Variants in LRRC75B observed in about 807,000 individuals in gnomAD.
LRRC75B encodes the protein leucine-rich repeat-containing protein 75B.
LRRC75B carries 20 observed loss-of-function variants against 16.5 expected under a neutral mutation model. The observed-to-expected ratio is 1.21, with a 90% CI of 0.85 to 1.76. The LOEUF (loss-of-function observed/expected upper bound fraction) is 1.76. Ranked by LOEUF, LRRC75B falls within the 40% of genes most tolerant of loss-of-function variation. LRRC75B has a pLI of 0.00. For missense variants in LRRC75B, 406 were observed against 417.0 expected, an observed-to-expected ratio of 0.97 and a Z score of 0.23; for synonymous variants, 199 against 198.1, an observed-to-expected ratio of 1.00 and a Z score of -0.04.
intron 2 of LRRC75B, chr22:24,589,090 A>G (rs2045488970): frequency 9.1e-7 from 1 of 1,092,994 alleles, no homozygotes; most frequent in African/African-American, 1.7e-5. Flanking sequence ...CCGACTGTGC[A>G]GAGACCTGGG....
At chr22:24,587,291 C>T (rs780990664) in intron 3 of LRRC75B, among the ~76,000 whole-genome samples, 30 of 152,144 alleles carry the variant, frequency 2.0e-4, no homozygotes, top group Admixed American at 5.9e-4. Flanking sequence ...TGAGGGAGGG[C>T]TCCCCGTGTT....
intron 2 of LRRC75B, 84 bp from the exon 3 acceptor site, chr22:24,588,413 A>AGT: frequency 2.8e-6 from 3 of 1,079,732 alleles, no homozygotes; most frequent in Non-Finnish European, 4.2e-6. Flanking sequence ...CAGGCAGCCA[A>AGT]GTGTGTGTGT....
chr22:24,586,792 A>G (rs1569035213), intron 3 of LRRC75B, among the ~76,000 whole-genome samples: 1 of 152,180 alleles, frequency 6.6e-6, no homozygotes, highest in Non-Finnish European at 1.5e-5. Flanking sequence ...CAGCCTCCCA[A>G]AGTGCTGGGA....
At chr22:24,592,054 G>A (rs1027485500) in intron 1 of LRRC75B, among the ~76,000 whole-genome samples, 18 of 152,306 alleles carry the variant, frequency 1.2e-4, no homozygotes, top group African/African-American at 3.8e-4. Flanking sequence ...TCTGCAGGCC[G>A]AACACCTGCA....
chr22:24,588,307 G>A lies in LRRC75B; in HGVS notation c.329C>T (p.Ser110Leu), dbSNP rs114324143. The stretch of plus-strand genomic sequence containing the variant: ...GATGAGCTGTCGGCAGATCTTGTCC[G>A]AGGACTTCCAGAGCTCATAGTCCTG... ...PKKDYELWKSSDKICRQLIYH... is the reference protein window; with the variant it reads ...PKKDYELWKSLDKICRQLIYH... Residue 110 changes from serine (S) to leucine (L), a missense_variant, in exon 3 of 4, where the codon TCG (serine) becomes TTG (leucine). Coordinates refer to ENST00000318753, the MANE Select transcript of LRRC75B (RefSeq NM_207644.3). The A allele has an allele frequency of 4.7e-4, 765 of 1,613,200 alleles. 4 individuals carry two copies. Among genetic ancestry groups the A allele is most frequent in the African/African-American group, 3.3e-3 (245 of 75,032 alleles).
chr22:24,589,605 C>CT (rs1354351226), intron 2 of LRRC75B: 4 of 598,048 alleles, frequency 6.7e-6, no homozygotes, highest in Non-Finnish European at 8.1e-6. Flanking sequence ...GCCCAGGACT[C>CT]TGAGGGTCCT....
chr22:24,587,294 C>T (rs912228294), intron 3 of LRRC75B, among the ~76,000 whole-genome samples: 6 of 152,224 alleles, frequency 3.9e-5, no homozygotes, highest in Middle Eastern at 3.4e-3. Context: ...GGGAGGGCTC[C>T]CCGTGTTTTC....
At chr22:24,591,020 C>T (rs547823954) in intron 1 of LRRC75B, among the ~76,000 whole-genome samples, 1 of 152,384 alleles carries the variant, frequency 6.6e-6, no homozygotes, top group East Asian at 1.9e-4. Context: ...CTGCCTCACT[C>T]CTCCACTTTC....
intron 2 of LRRC75B, 155 bp from the exon 3 acceptor site, chr22:24,588,484 C>A: frequency 1.3e-6 from 1 of 766,098 alleles, no homozygotes; most frequent in South Asian, 1.7e-5. Context: ...CTCCTACCCC[C>A]CAACCCGGCT....
chr22:24,590,033 T>C, intron 1 of LRRC75B, 84 bp from the exon 2 acceptor site: 1 of 1,413,204 alleles, frequency 7.1e-7, no homozygotes, highest in Non-Finnish European at 9.4e-7. Flanking sequence ...ATGCTGCTTA[T>C]GCCCGTTCCT....
At position 24,586,464 on chromosome 22, in the gene LRRC75B, CTGACCACAGACAG is replaced by C. The variant is rs1258213492; in HGVS notation, c.423-66_423-54del. The C allele has an allele frequency of 4.5e-6, 7 of 1,557,270 alleles. No individual in the cohort carries two copies. The East Asian group carries it at 1.6e-4, about 35-fold the overall frequency. ...ACTAGGCAACCAGGCAGTCCCCCCA[CTGACCACAGACAG>C]TGACCTGTCGGGAACAGCCCAGGCC... On this transcript the variant is annotated intron_variant, in intron 3 of 3. Transcript: ENST00000318753.
intron 1 of LRRC75B, among the ~76,000 whole-genome samples, chr22:24,590,928 A>C (rs2045550385): frequency 6.7e-6 from 1 of 149,014 alleles, no homozygotes; most frequent in Non-Finnish European, 1.5e-5. Flanking sequence ...TCTCCCCACC[A>C]CTCCTGCCAA....
intron 2 of LRRC75B, chr22:24,588,807 G>C (rs1416515301): frequency 1.4e-5 from 14 of 1,014,022 alleles, no homozygotes; most frequent in African/African-American, 1.7e-5. Context: ...GACTGCGCCT[G>C]CGGGGTCTGG....
Position 24,586,286 on chromosome 22 carries a change from G to C in LRRC75B, c.548C>G (p.Ala183Gly). ...RYLSSHGAVLAVLDLSFTGLS... is the reference protein window; with the variant it reads ...RYLSSHGAVLGVLDLSFTGLS... Reference sequence around the variant, plus strand: ...CCCCGTGAAGCTCAGGTCCAGCACCGCCAGCACAGCACCATGGCTGCTCAG... The same window carrying C: ...CCCCGTGAAGCTCAGGTCCAGCACCCCCAGCACAGCACCATGGCTGCTCAG... Residue 183 changes from alanine (A) to glycine (G), a missense_variant, in exon 4 of 4, where the codon GCG (alanine) becomes GGG (glycine). Coordinates refer to ENST00000318753, the MANE Select transcript of LRRC75B (RefSeq NM_207644.3). The C allele has an allele frequency of 1.2e-6, 2 of 1,613,974 alleles. No homozygotes were observed. Among genetic ancestry groups the C allele is most frequent in the Non-Finnish European group, 1.7e-6 (2 of 1,180,048 alleles).
intron 1 of LRRC75B, 125 bp from the exon 2 acceptor site, chr22:24,590,074 G>A: frequency 8.4e-7 from 1 of 1,184,256 alleles, no homozygotes; most frequent in East Asian, 2.8e-5. Flanking sequence ...AGGCTGGCTG[G>A]ATTCTCCCCA....
chr22:24,586,513 C>A (rs2147149229), intron 3 of LRRC75B, 102 bp from the exon 4 acceptor site: 2 of 1,230,846 alleles, frequency 1.6e-6, no homozygotes, highest in Non-Finnish European at 2.3e-6. Context: ...TACAGTCTGG[C>A]AAAGCCAGAT....
chr22:24,586,538 TC>T (rs1281911141), intron 3 of LRRC75B, 127 bp from the exon 4 acceptor site: 265 of 1,066,840 alleles, frequency 2.5e-4, no homozygotes, highest in Non-Finnish European at 3.4e-4. Context: ...ACTGTGTCTT[TC>T]GTATTTTTTG....
Position 24,585,858 on chromosome 22 carries a change from A to C in LRRC75B, c.*28T>G. On this transcript the variant is annotated 3_prime_UTR_variant, in exon 4 of 4. Coordinates refer to ENST00000318753, the MANE Select transcript of LRRC75B (RefSeq NM_207644.3). ...CATGTGCTTGAGAGCATCACAAGTC[A>C]GTAGCAATGAGCCAGGTGGGTGGTG... 9 of 1,538,746 alleles carry C rather than the reference A, an allele frequency of 5.8e-6. No homozygotes were observed. The highest frequency in any genetic ancestry group is 7.9e-6 in the Non-Finnish European group (9 of 1,144,534).
At chr22:24,590,011 C>T (rs1026231645) in intron 1 of LRRC75B, 62 bp from the exon 2 acceptor site, 1 of 1,478,052 alleles carries the variant, frequency 6.8e-7, no homozygotes, top group African/African-American at 1.4e-5. Context: ...AGGCACCACC[C>T]CAGCCAGCCA....
Sources: allele counts gnomAD v4.1 joint callset (sites outside exome capture counted in the v4.1 genomes callset), GRCh38; gene constraint gnomAD v4.1.1; transcripts MANE v1.5; gene names NCBI Gene and HGNC (gene_info 2026-07-23, HGNC 2026-07-21).